Variants in SCN7A observed in about 807,000 individuals in gnomAD.
SCN7A encodes sodium channel protein type 7 subunit alpha.
A neutral mutation model predicts 155.2 loss-of-function variants in SCN7A; 138 were observed. The observed-to-expected ratio is 0.89, with a 90% CI of 0.77 to 1.02. The LOEUF (loss-of-function observed/expected upper bound fraction) is 1.02, where lower values mean the gene tolerates loss of function less well. SCN7A is among the 50% of genes least tolerant of loss of function. SCN7A has a pLI of 0.00. For missense variants in SCN7A, 2,058 were observed against 1,986.6 expected, an observed-to-expected ratio of 1.04 and a Z score of -0.68; for synonymous variants, 693 against 649.0, an observed-to-expected ratio of 1.07 and a Z score of -1.03.
At chr2:166,477,738 G>T in intron 2 of SCN7A, 28 bp from the exon 3 acceptor site, 1 of 1,382,128 alleles carries the variant, frequency 7.2e-7, no homozygotes, top group East Asian at 2.5e-5. Flanking sequence ...TTAAAGTTGG[G>T]TATACTAATA....
At chr2:166,441,811 T>A in intron 14 of SCN7A, 59 bp from the exon 15 acceptor site, 1 of 1,324,130 alleles carries the variant, frequency 7.6e-7, no homozygotes, top group Non-Finnish European at 1.0e-6. Context: ...TTGGTCAGTG[T>A]ATATTACAAG....
At chr2:166,463,176 A>T (rs1040362753) in intron 9 of SCN7A, among the ~76,000 whole-genome samples, 1 of 152,184 alleles carries the variant, frequency 6.6e-6, no homozygotes, top group African/African-American at 2.4e-5. Flanking sequence ...ATTTATAAGC[A>T]GTATTTGCAC....
intron 7 of SCN7A, among the ~76,000 whole-genome samples, chr2:166,467,012 A>T (rs1334707592): frequency 6.6e-6 from 1 of 151,946 alleles, no homozygotes; most frequent in African/African-American, 2.4e-5. Flanking sequence ...TTAATTTGAC[A>T]TCATAATAAA....
chr2:166,417,353 G>T (rs1315845900), intron 20 of SCN7A, among the ~76,000 whole-genome samples: 1 of 151,980 alleles, frequency 6.6e-6, no homozygotes, highest in African/African-American at 2.4e-5. Context: ...GACACCTGTA[G>T]TCCCAACTAC....
Position 166,432,749 on chromosome 2 carries a change from G to A in SCN7A, c.2161C>T (p.Leu721Phe). 6.6e-7 allele frequency: 1 copy of A among 1,524,860 alleles called. No individual in the cohort carries two copies. Among genetic ancestry groups the A allele is most frequent in the Non-Finnish European group, 8.8e-7 (1 of 1,142,408 alleles). The allele number at this position is 1,524,860 out of a possible 1,614,324, so 94.5% of individuals were successfully genotyped here. A position where few individuals can be genotyped will look rare whatever the true frequency, so the allele number is the denominator to read the frequency against. Reference protein sequence around the residue: ...MVILIGNLLVLYLFLALVSSF... With the variant: ...MVILIGNLLVFYLFLALVSSF... ...CTCACCAATGCCAGAAACAGGTAAA[G>A]TACCTAAATAAGGAAGTAAAATGAG... The change falls in exon 16 of 26, where the codon CTT becomes TTT. Residue 721 changes from leucine (L) to phenylalanine (F), a missense_variant. Transcript: ENST00000643258.
At chr2:166,480,151 T>C (rs1702887457) in intron 2 of SCN7A, among the ~76,000 whole-genome samples, 1 of 152,162 alleles carries the variant, frequency 6.6e-6, no homozygotes, top group Non-Finnish European at 1.5e-5. Context: ...ACATATGAAA[T>C]TTTTTCCTTT....
intron 9 of SCN7A, among the ~76,000 whole-genome samples, chr2:166,464,551 C>A (rs4476366): frequency 6.6e-6 from 1 of 152,022 alleles, no homozygotes; most frequent in Non-Finnish European, 1.5e-5. Context: ...GAGGTTTTTA[C>A]TAATGTAAAT....
Position 166,432,665 on chromosome 2 carries a change from G to C in SCN7A, c.2245C>G (p.Gln749Glu), listed in dbSNP as rs1701758151. 8 of 1,607,080 alleles carry C rather than the reference G, an allele frequency of 5.0e-6. No homozygotes were observed. Among genetic ancestry groups the C allele is most frequent in the Non-Finnish European group, 6.8e-6 (8 of 1,177,988 alleles). Residue 749 changes from glutamine to glutamate, a missense_variant, in exon 16 of 26, where the codon CAG becomes GAG. Gln to Glu is a conservative substitution (Grantham distance 29). Transcript: ENST00000643258. ...TTTTTAATTCTTGCCACTGCAAGCT[G>C]GAGATTTTTTGCTTCATTATTCTCT... The part of the protein sequence containing the change: ...AEENNEAKNL[Q>E]LAVARIKKGI...
chr2:166,411,721 C>A (rs113113218), intron 23 of SCN7A, among the ~76,000 whole-genome samples: 1 of 152,042 alleles, frequency 6.6e-6, no homozygotes, highest in South Asian at 2.1e-4. Context: ...TTCTGATTTA[C>A]GGTAATCAGG....
At chr2:166,429,095 G>T (rs1295009898) in intron 17 of SCN7A, 74 bp downstream of exon 17, 5 of 743,788 alleles carry the variant, frequency 6.7e-6, no homozygotes, top group Non-Finnish European at 2.2e-6. Flanking sequence ...TGACATACTG[G>T]ATATGGAACA....
intron 15 of SCN7A, chr2:166,436,452 T>C (rs1406489458): frequency 4.9e-6 from 2 of 410,942 alleles, no homozygotes; most frequent in Non-Finnish European, 9.7e-6. Context: ...TGTGGAACCG[T>C]GAGTCAGTTA....
At chr2:166,487,345 T>C (rs1163217622) in intron 1 of SCN7A, among the ~76,000 whole-genome samples, 2 of 152,162 alleles carry the variant, frequency 1.3e-5, no homozygotes, top group African/African-American at 4.8e-5. Context: ...CAGCTGCATT[T>C]TCTTAGATAA....
At chr2:166,449,299 T>C (rs1378604908) in intron 11 of SCN7A, among the ~76,000 whole-genome samples, 3 of 152,106 alleles carry the variant, frequency 2.0e-5, no homozygotes, top group African/African-American at 7.2e-5. Flanking sequence ...TATCTGTATA[T>C]TTGTTAACTT....
chr2:166,464,679 C>A (rs552022920), intron 9 of SCN7A, among the ~76,000 whole-genome samples: 1 of 152,176 alleles, frequency 6.6e-6, no homozygotes, highest in African/African-American at 2.4e-5. Context: ...AAACATGCAG[C>A]CTTGCCTCTT....
Position 166,405,959 on chromosome 2 carries a change from C to G in SCN7A, c.4670G>C (p.Gly1557Ala). 2 of 1,612,892 alleles carry G rather than the reference C, an allele frequency of 1.2e-6. No homozygotes were observed. The highest frequency in any genetic ancestry group is 2.2e-5 in the South Asian group (2 of 91,024). The change falls in exon 26 of 26, where the codon GGC (glycine) becomes GCC (alanine). Residue 1557 changes from glycine (G) to alanine (A), a missense_variant. Transcript: ENST00000643258. ...GGGGAGGTCCAAAGCAATGAGCTGGCCCTTGTTTGGTTTTGCCATGAAAAG... is the reference window on the plus strand; with the variant it reads ...GGGGAGGTCCAAAGCAATGAGCTGGGCCTTGTTTGGTTTTGCCATGAAAAG... ...PPLFMAKPNK[G>A]QLIALDLPMA...
chr2:166,489,895 T>C (rs970167031), intron 1 of SCN7A, among the ~76,000 whole-genome samples: 3 of 152,164 alleles, frequency 2.0e-5, no homozygotes, highest in Non-Finnish European at 2.9e-5. Context: ...AGTAAGCAAC[T>C]TTCTCAAAAG....
At chr2:166,482,337 C>T (rs115667393) in intron 2 of SCN7A, among the ~76,000 whole-genome samples, 159 of 152,118 alleles carry the variant, frequency 1.0e-3, no homozygotes, top group Admixed American at 2.5e-3. Flanking sequence ...GGTTTAAACA[C>T]CTTCCATCAA....
chr2:166,405,516 C>T lies in SCN7A; in HGVS notation c.*64G>A. 1 of 1,206,856 alleles carries T rather than the reference C, an allele frequency of 8.3e-7. No individual in the cohort carries two copies. The highest frequency in any genetic ancestry group is 1.2e-6 in the Non-Finnish European group (1 of 865,390). 74.8% of individuals were successfully genotyped at this position (1,206,856 alleles called of 1,614,324 possible). A position where few individuals can be genotyped will look rare whatever the true frequency, so the allele number is the denominator to read the frequency against. On this transcript the variant is annotated 3_prime_UTR_variant, in exon 26 of 26. Transcript: ENST00000643258. ...TATTATCTCTACTTTTCTTTTATTC[C>T]TGGCTTAGGCTTTCAACATTTTTCA...
chr2:166,486,044 C>T (rs1401860121), intron 2 of SCN7A, among the ~76,000 whole-genome samples: 1 of 152,130 alleles, frequency 6.6e-6, no homozygotes, highest in Admixed American at 6.5e-5. Context: ...TGCCCTTCAT[C>T]CTGAGGTCTT....
Sources: gnomAD v4.1 joint callset for allele counts (sites outside exome capture counted in the v4.1 genomes callset) on GRCh38, gnomAD v4.1.1 for gene constraint, MANE v1.5 for transcripts, NCBI Gene and HGNC (gene_info 2026-07-23, HGNC 2026-07-21) for gene names.